MAML3: variants seen among roughly 807,000 people sequenced by gnomAD.
The protein encoded by MAML3 is mastermind-like protein 3.
MAML3 carries 27 observed loss-of-function variants against 101.9 expected under a neutral mutation model. That is an observed-to-expected ratio of 0.27 (90% CI 0.20 to 0.37). MAML3 has a LOEUF of 0.37. Among genes scored for constraint, MAML3 ranks in the 10% least tolerant of loss-of-function variants. The pLI is 1.00. For synonymous variants in MAML3, 501 were observed against 555.9 expected (o/e 0.90, Z 1.39); for missense variants, 1,316 against 1,444.9 (o/e 0.91, Z 1.45).
intron 4 of MAML3, among the ~76,000 whole-genome samples, chr4:139,723,795 C>A (rs1453133): frequency 1.1e-3 from 167 of 152,234 alleles, no homozygotes; most frequent in Middle Eastern, 3.4e-3. Flanking sequence ...TTAATTAGTT[C>A]ATAATATAAT....
intron 1 of MAML3, among the ~76,000 whole-genome samples, chr4:139,942,182 G>C (rs1236672237): frequency 6.6e-6 from 1 of 151,178 alleles, no homozygotes; most frequent in Non-Finnish European, 1.5e-5. Flanking sequence ...AGGCAGGCAG[G>C]CAGGCAGGCA....
chr4:139,900,986 C>T (rs952892267), intron 1 of MAML3, among the ~76,000 whole-genome samples: 1 of 152,210 alleles, frequency 6.6e-6, no homozygotes. Flanking sequence ...TCAGTTATGC[C>T]TGCCTCTCAA....
intron 1 of MAML3, among the ~76,000 whole-genome samples, chr4:139,899,372 G>C (rs1217782512): frequency 6.6e-6 from 1 of 152,170 alleles, no homozygotes; most frequent in Non-Finnish European, 1.5e-5. Flanking sequence ...TGGATTTCTA[G>C]AATATTTTTC....
intron 2 of MAML3, among the ~76,000 whole-genome samples, chr4:139,852,401 CTGTTTTTT>C (rs1427079946): frequency 0.025 from 3,101 of 126,120 alleles, 162 homozygotes; most frequent in African/African-American, 0.1. Flanking sequence ...ATTCAGAAGA[CTGTTTTTT>C]TTTTTTTTTT....
At chr4:140,077,555 C>G (rs1029878413) in intron 1 of MAML3, among the ~76,000 whole-genome samples, 3 of 152,186 alleles carry the variant, frequency 2.0e-5, no homozygotes, top group African/African-American at 7.2e-5. Flanking sequence ...CTCCAAGCCT[C>G]AGTTCACTTA....
intron 1 of MAML3, among the ~76,000 whole-genome samples, chr4:140,111,650 C>T (rs1179512417): frequency 9.9e-5 from 15 of 152,180 alleles, no homozygotes; most frequent in Admixed American, 9.8e-4. Context: ...AGCTGGAAAA[C>T]TCAAGTTGCC....
intron 2 of MAML3, among the ~76,000 whole-genome samples, chr4:139,864,922 G>GTTTGTTT (rs1731864895): frequency 9.6e-5 from 1 of 10,436 alleles, no homozygotes; most frequent in East Asian, 3.7e-3. Flanking sequence ...ATGCAAACTT[G>GTTTGTTT]CTTTTTTTTT....
intron 1 of MAML3, among the ~76,000 whole-genome samples, chr4:139,911,748 T>C (rs1349005830): frequency 6.6e-6 from 1 of 152,216 alleles, no homozygotes; most frequent in South Asian, 2.1e-4. Flanking sequence ...CTTTCCATCA[T>C]GTGAAGACAT....
intron 1 of MAML3, among the ~76,000 whole-genome samples, chr4:139,905,949 C>A (rs560554263): frequency 5.3e-5 from 8 of 152,234 alleles, no homozygotes; most frequent in African/African-American, 1.9e-4. Flanking sequence ...ACAACTCAGC[C>A]CATTACATGA....
intron 1 of MAML3, among the ~76,000 whole-genome samples, chr4:139,995,918 G>T (rs773570517): frequency 6.6e-6 from 1 of 151,742 alleles, no homozygotes; most frequent in Non-Finnish European, 1.5e-5. Flanking sequence ...CTTTAAATAG[G>T]CAATAAAAGC....
In MAML3 at chr4:139,962,919, A is replaced by G. The variant is rs566175894; in HGVS notation, c.469-71952T>C. ...CTTTTTTTTACCACTGCAAATAAGT[A>G]TGTAATGGAGACTACAGCCAGGTAA... On this transcript the variant is annotated intron_variant, in intron 1 of 4. Transcript: ENST00000509479. Among the ~76,000 whole-genome samples, 12 of 152,256 alleles carry G rather than the reference A, an allele frequency of 7.9e-5. No individual in the cohort carries two copies. In the East Asian group the frequency reaches 1.2e-3, roughly 15 times the overall value.
At chr4:139,943,348 G>C (rs1013293397) in intron 1 of MAML3, among the ~76,000 whole-genome samples, 1 of 152,168 alleles carries the variant, frequency 6.6e-6, no homozygotes, top group Non-Finnish European at 1.5e-5. Flanking sequence ...CTTGAGAGGG[G>C]TCACAAGTGG....
rs1728885927 is a variant in MAML3, at chr4:139,735,194, A to G, written c.2080-4527T>C. On this transcript the variant is annotated intron_variant, in intron 2 of 4. Coordinates refer to ENST00000509479, the MANE Select transcript of MAML3 (RefSeq NM_018717.5). The surrounding 1 kb of genome is among the most constrained non-coding windows in gnomAD (Gnocchi z 5.8). ...ACAATACCGAGCAGATGGTGTTCGC[A>G]CGGCGTGATGGACATCACACACGAC... 6.6e-6 allele frequency among the ~76,000 whole-genome samples: 1 copy of G among 152,236 alleles called. No individual in the cohort carries two copies. Among genetic ancestry groups the G allele is most frequent in the African/African-American group, 2.4e-5 (1 of 41,468 alleles).
At position 140,119,963 on chromosome 4, in the gene MAML3, C is replaced by T. The variant is rs555826403; in HGVS notation, c.468+32897G>A. Among the ~76,000 whole-genome samples, 9 of 152,126 alleles carry T rather than the reference C, an allele frequency of 5.9e-5. No individual in the cohort carries two copies. In the South Asian group the frequency reaches 1.2e-3, roughly 21 times the overall value. ...GGTTAAAAGCTAACCAAAGGCCGGG[C>T]GCGGTGGCTCACGCCTGTAATCCCA... On this transcript the variant is annotated intron_variant, in intron 1 of 4. Transcript: ENST00000509479.
intron 1 of MAML3, among the ~76,000 whole-genome samples, chr4:140,084,123 A>G (rs559268950): frequency 2.0e-5 from 3 of 152,302 alleles, no homozygotes; most frequent in Admixed American, 2.0e-4. Flanking sequence ...CTCAGTAAGT[A>G]TTTATTGGAT....
chr4:140,005,737 G>A (rs532968705), intron 1 of MAML3, among the ~76,000 whole-genome samples: 10 of 152,230 alleles, frequency 6.6e-5, no homozygotes, highest in Non-Finnish European at 1.2e-4. Flanking sequence ...ACATTCACAG[G>A]GAGCTAGGCT....
At position 139,735,581 on chromosome 4, in the gene MAML3, G is replaced by GC. The variant is rs1299544821; in HGVS notation, c.2080-4915dup. On this transcript the variant is annotated intron_variant, in intron 2 of 4. Transcript: ENST00000509479. This position sits in a 1 kb window ranked among gnomAD's most constrained non-coding sequence, Gnocchi z 5.8. ...CCGGGGAGGGGGCGATAAGGAGCGA[G>GC]CCTCGGGTCGGCCCGGCACCGCTGC... 6.6e-6 allele frequency among the ~76,000 whole-genome samples: 1 copy of GC among 152,134 alleles called. No individual in the cohort carries two copies. The highest frequency in any genetic ancestry group is 1.5e-5 in the Non-Finnish European group (1 of 68,004).
chr4:139,943,387 G>C (rs1733641312), intron 1 of MAML3, among the ~76,000 whole-genome samples: 1 of 152,154 alleles, frequency 6.6e-6, no homozygotes, highest in African/African-American at 2.4e-5. Flanking sequence ...AAATGTCTAC[G>C]ATTTGAAAAT....
chr4:140,012,804 C>A (rs1417076321), intron 1 of MAML3, among the ~76,000 whole-genome samples: 1 of 152,164 alleles, frequency 6.6e-6, no homozygotes, highest in Non-Finnish European at 1.5e-5. Flanking sequence ...TGGCACCATC[C>A]CATAGGGGGC....
Sources: allele counts gnomAD v4.1 joint callset (sites outside exome capture counted in the v4.1 genomes callset), GRCh38; gene constraint gnomAD v4.1.1; non-coding constraint Gnocchi (gnomAD v3.1); transcripts MANE v1.5; gene names NCBI Gene and HGNC (gene_info 2026-07-23, HGNC 2026-07-21).